The following PRKG2 variants were observed in gnomAD, a reference collection of about 807,000 sequenced individuals.
PRKG2 encodes the protein protein kinase cGMP-dependent 2.
A neutral mutation model predicts 97.2 loss-of-function variants in PRKG2; 33 were observed. The observed-to-expected ratio is 0.34, with a 90% CI of 0.26 to 0.45. PRKG2 has a LOEUF of 0.45. PRKG2 is among the 20% of genes least tolerant of loss of function. The pLI is 1.00. For missense variants in PRKG2, 638 were observed against 900.0 expected, an observed-to-expected ratio of 0.71 and a Z score of 3.73; for synonymous variants, 330 against 321.8, an observed-to-expected ratio of 1.03 and a Z score of -0.27.
At chr4:81,113,203 T>C (rs1744156963) in intron 14 of PRKG2, among the ~76,000 whole-genome samples, 1 of 152,052 alleles carries the variant, frequency 6.6e-6, no homozygotes, top group South Asian at 2.1e-4. Flanking sequence ...CAGAAATAAC[T>C]TCAGATTTTT....
intron 6 of PRKG2, among the ~76,000 whole-genome samples, chr4:81,165,988 A>T (rs1749954584): frequency 6.6e-6 from 1 of 151,872 alleles, no homozygotes; most frequent in South Asian, 2.1e-4. Context: ...AGAAATTAGG[A>T]TGAATTATTA....
intron 8 of PRKG2, 110 bp from the exon 9 acceptor site, chr4:81,149,062 T>C: frequency 2.0e-6 from 2 of 981,662 alleles, no homozygotes; most frequent in Non-Finnish European, 3.2e-6. Context: ...CACTTACACC[T>C]CCCAAAAACT....
chr4:81,170,809 T>C (rs1246921015), intron 4 of PRKG2, among the ~76,000 whole-genome samples: 2 of 152,066 alleles, frequency 1.3e-5, no homozygotes, highest in Admixed American at 6.6e-5. Flanking sequence ...TACATTTTCA[T>C]TGGTTTAATT....
At position 81,136,890 on chromosome 4, in the gene PRKG2, C is replaced by A. The variant is rs572732003; in HGVS notation, c.1634+503G>T. Among the ~76,000 whole-genome samples the A allele has an allele frequency of 3.3e-4, 50 of 152,294 alleles. 3 individuals are homozygous for A. In the South Asian group the frequency reaches 9.9e-3, roughly 30 times the overall value. ...TTAGAAAAGTACACACTGTCTAGAGCGTCTCCTCCTGACCCCCACCGTGCA... is the reference window on the plus strand; with the variant it reads ...TTAGAAAAGTACACACTGTCTAGAGAGTCTCCTCCTGACCCCCACCGTGCA... On this transcript the variant is annotated intron_variant, in intron 13 of 18. Transcript: ENST00000264399.
At chr4:81,171,830 C>T (rs759910508) in intron 3 of PRKG2, 26 bp from the exon 4 acceptor site, 14 of 1,496,116 alleles carry the variant, frequency 9.4e-6, no homozygotes, top group Admixed American at 1.9e-5. Context: ...TTAAAAAACA[C>T]ACACACAAAT....
At position 81,116,865 on chromosome 4, in the gene PRKG2, G is replaced by T. The variant is rs537671041; in HGVS notation, c.1777-6254C>A. On this transcript the variant is annotated intron_variant, in intron 14 of 18. Coordinates refer to ENST00000264399, the MANE Select transcript of PRKG2 (RefSeq NM_006259.3). ...CCCTTGCCAATTTTTAAATGGGATT[G>T]CTTTTCTTCTTGTCAATTTGTTTAA... Among the ~76,000 whole-genome samples the T allele has an allele frequency of 5.3e-5, 8 of 151,260 alleles. No homozygotes were observed. In the East Asian group the frequency reaches 7.8e-4, roughly 15 times the overall value.
At chr4:81,092,473 G>GAAGGAAGGAAGA in intron 17 of PRKG2, 21 bp from the exon 18 acceptor site, 1 of 632,840 alleles carries the variant, frequency 1.6e-6, no homozygotes, top group African/African-American at 2.0e-5. Flanking sequence ...AGAAAGGAAG[G>GAAGGAAGGAAGA]AAGGAAGGAA....
intron 14 of PRKG2, among the ~76,000 whole-genome samples, chr4:81,125,127 CAT>C (rs1745428615): frequency 6.6e-6 from 1 of 152,058 alleles, no homozygotes. Context: ...TTGGGTCAAT[CAT>C]ATGCTATTTA....
intron 12 of PRKG2, among the ~76,000 whole-genome samples, chr4:81,139,592 C>G (rs900642261): frequency 2.0e-5 from 3 of 150,580 alleles, no homozygotes; most frequent in African/African-American, 7.4e-5. Context: ...ACGGTGAAAC[C>G]CCGTCTCTAC....
chr4:81,140,811 G>A (rs988306561), intron 11 of PRKG2, 142 bp from the exon 12 acceptor site: 1 of 588,790 alleles, frequency 1.7e-6, no homozygotes, highest in African/African-American at 1.8e-5. Context: ...TCATTCAAGT[G>A]TACACACTTC....
At chr4:81,150,139 G>T (rs1259882299) in intron 8 of PRKG2, among the ~76,000 whole-genome samples, 15 of 152,120 alleles carry the variant, frequency 9.9e-5, no homozygotes, top group Admixed American at 9.8e-4. Context: ...ATAGACATAA[G>T]CATAGACATA....
At chr4:81,206,693 CCT>C (rs991923694) in intron 1 of PRKG2, among the ~76,000 whole-genome samples, 18 of 152,206 alleles carry the variant, frequency 1.2e-4, no homozygotes, top group African/African-American at 4.1e-4. Context: ...CACATCTGCC[CCT>C]CTCGCCCTCC....
At chr4:81,124,484 C>T (rs1745364571) in intron 14 of PRKG2, among the ~76,000 whole-genome samples, 1 of 152,204 alleles carries the variant, frequency 6.6e-6, no homozygotes, top group Admixed American at 6.5e-5. Context: ...TAGTGTGTGA[C>T]TTTCAAGAGC....
At chr4:81,213,073 C>G (rs1754088631) in intron 1 of PRKG2, among the ~76,000 whole-genome samples, 1 of 152,118 alleles carries the variant, frequency 6.6e-6, no homozygotes, top group South Asian at 2.1e-4. Flanking sequence ...CACTGTGGCA[C>G]TGACAGAAGT....
chr4:81,171,138 A>C (rs919920443), intron 4 of PRKG2, among the ~76,000 whole-genome samples: 2 of 152,118 alleles, frequency 1.3e-5, no homozygotes, highest in East Asian at 3.9e-4. Flanking sequence ...CGCATACATC[A>C]GCTATTTATC....
rs1334427898 is a variant in PRKG2 at position 81,155,189 on chromosome 4, A to AAAAAAAAAAAAAG, written c.913-1469_913-1468insCTTTTTTTTTTTT. ...CGAGACTCCGTCTCAAAAAAAAAAAAAAGAAGAATGTATAACTAGGATAAC... is the reference window on the plus strand; with the variant it reads ...CGAGACTCCGTCTCAAAAAAAAAAAAAAAAAAAAAAAAGAAGAAGAATGTATAACTAGGATAAC... On this transcript the variant is annotated intron_variant, in intron 6 of 18. Coordinates refer to ENST00000264399, the MANE Select transcript of PRKG2 (RefSeq NM_006259.3). Among the ~76,000 whole-genome samples, 6 of 148,346 alleles carry AAAAAAAAAAAAAG rather than the reference A, an allele frequency of 4.0e-5. No homozygotes were observed. In the East Asian group the frequency reaches 7.9e-4, roughly 20 times the overall value.
chr4:81,194,289 A>G (rs1752798191), intron 2 of PRKG2, among the ~76,000 whole-genome samples: 1 of 152,170 alleles, frequency 6.6e-6, no homozygotes, highest in Non-Finnish European at 1.5e-5. Context: ...GTACAGGGAC[A>G]AGAGTGGAGT....
In PRKG2 at chr4:81,106,644, T is replaced by A. The variant is rs372516097; in HGVS notation, c.1941-709A>T. On this transcript the variant is annotated intron_variant, in intron 15 of 18. Coordinates refer to ENST00000264399, the MANE Select transcript of PRKG2 (RefSeq NM_006259.3). Reference sequence around the variant, plus strand: ...TAGTAATGTTGAAAGTAGTGAGATATGGCTGGATTCTACATCTACTTAGAC... The same window carrying A: ...TAGTAATGTTGAAAGTAGTGAGATAAGGCTGGATTCTACATCTACTTAGAC... Among the ~76,000 whole-genome samples, 72 of 152,340 alleles carry A rather than the reference T, an allele frequency of 4.7e-4. 1 individual carries two copies. In the South Asian group the frequency reaches 0.012, roughly 26 times the overall value.
intron 1 of PRKG2, among the ~76,000 whole-genome samples, chr4:81,212,831 C>T (rs542837257): frequency 6.6e-6 from 1 of 152,164 alleles, no homozygotes; most frequent in South Asian, 2.1e-4. Context: ...GAAGGTACTG[C>T]TTTGGTTAAA....
Sources: gnomAD v4.1 joint callset for allele counts (sites outside exome capture counted in the v4.1 genomes callset) on GRCh38, gnomAD v4.1.1 for gene constraint, MANE v1.5 for transcripts, NCBI Gene and HGNC (gene_info 2026-07-23, HGNC 2026-07-21) for gene names.